The following ZBTB47 variants were observed in gnomAD, a reference collection of about 807,000 sequenced individuals.
The protein encoded by ZBTB47 is zinc finger and BTB domain-containing protein 47.
In ZBTB47, 24 loss-of-function variants were observed where a neutral mutation model predicts 56.6. That is an observed-to-expected ratio of 0.42 (90% CI 0.31 to 0.60). The LOEUF is 0.60. Ranked by LOEUF, ZBTB47 falls within the 20% of genes least tolerant of loss-of-function variation. The probability of loss-of-function intolerance (pLI) is 0.14; values close to 1 mark genes in which losing one functional copy is unlikely to be tolerated. For missense variants in ZBTB47, 829 were observed against 1,032.6 expected, an observed-to-expected ratio of 0.80 and a Z score of 2.70; for synonymous variants, 414 against 418.9, an observed-to-expected ratio of 0.99 and a Z score of 0.14.
At position 42,661,499 on chromosome 3, in the gene ZBTB47, C is replaced by T. The variant is rs1710720814; in HGVS notation, c.1488C>T (p.Gly496=). Residue 496 remains glycine, a synonymous_variant, in exon 3 of 6, where the codon GGC becomes GGT. Transcript: ENST00000232974. The part of the protein sequence containing the change: ...CERNIQCVTC[G]KAFKKLWSLH... ...TTATTCTGCAGTGTGTGACATGTGG[C>T]AAAGCTTTCAAGAAGCTTTGGTCCC... is the stretch of plus-strand genomic sequence containing the variant. 6.2e-7 allele frequency: 1 copy of T among 1,613,886 alleles called. No homozygotes were observed. Among genetic ancestry groups the T allele is most frequent in the Non-Finnish European group, 8.5e-7 (1 of 1,179,846 alleles).
intron 2 of ZBTB47, 22 bp downstream of exon 2, chr3:42,659,850 G>A: frequency 6.3e-7 from 1 of 1,577,690 alleles, no homozygotes; most frequent in Non-Finnish European, 8.6e-7. Flanking sequence ...GTGGCTGGGG[G>A]CAGGGCAGAG....
chr3:42,667,147 G>C lies in ZBTB47; in HGVS notation c.*2549G>C, dbSNP rs9816776. Among the ~76,000 whole-genome samples the C allele has an allele frequency of 2.0e-5, 3 of 152,246 alleles. No individual in the cohort carries two copies. The highest frequency in any genetic ancestry group is 7.2e-5 in the African/African-American group (3 of 41,464). Reference sequence around the variant, plus strand: ...CAGATGTCAGAATGAGGCGACTAGGGCACCATACTCACTTTCCAGGGCTGG... The same window carrying C: ...CAGATGTCAGAATGAGGCGACTAGGCCACCATACTCACTTTCCAGGGCTGG... On this transcript the variant is annotated 3_prime_UTR_variant, in exon 6 of 6. Coordinates refer to ENST00000232974, the MANE Select transcript of ZBTB47 (RefSeq NM_145166.4).
At chr3:42,662,972 A>C (rs897688586) in intron 3 of ZBTB47, 40 bp from the exon 4 acceptor site, 1 of 1,491,864 alleles carries the variant, frequency 6.7e-7, no homozygotes, top group East Asian at 2.3e-5. Flanking sequence ...GTGCTTGGGC[A>C]GGCCCGTAAA....
Position 42,664,656 on chromosome 3 carries a change from G to T in ZBTB47, c.*58G>T. The T allele has an allele frequency of 2.2e-6, 3 of 1,365,304 alleles. No homozygotes were observed. Among genetic ancestry groups the T allele is most frequent in the Non-Finnish European group, 2.8e-6 (3 of 1,066,474 alleles). 84.6% of individuals were successfully genotyped at this position (1,365,304 alleles called of 1,614,324 possible). On this transcript the variant is annotated 3_prime_UTR_variant, in exon 6 of 6. Transcript: ENST00000232974. The stretch of plus-strand genomic sequence containing the variant: ...CTGGAGTCAGGGCCCACTCCAGGAG[G>T]GACCCACTGCCTTCCCGGGGAGCAC...
rs954638253 is a variant in ZBTB47, at chr3:42,659,149, T to C, written c.794T>C (p.Val265Ala). 28 of 1,511,932 alleles carry C rather than the reference T, an allele frequency of 1.9e-5. No individual in the cohort carries two copies. Among genetic ancestry groups the C allele is most frequent in the Admixed American group, 4.0e-5 (2 of 49,394 alleles). 93.7% of individuals were successfully genotyped at this position (1,511,932 alleles called of 1,614,324 possible). The change falls in exon 2 of 6, where the codon GTT (valine) becomes GCT (alanine). Residue 265 changes from valine to alanine, a missense_variant. By Grantham distance (64) the Val-to-Ala change is moderately conservative. Around this residue, in one of 6 missense-constraint regions of ZBTB47, gnomAD observed 359 missense variants for 359.8 expected, o/e 1.00. Transcript: ENST00000232974. ...GCCGGGCCAAGCCCAGCCACCGTGG[T>C]TCTGGGCCGGGAGGACGGGCTGCAG... ...PGAGPSPATV[V>A]LGREDGLQRH...
rs934167177 is a variant in ZBTB47 at position 42,656,947 on chromosome 3, ATAT to A, written c.-81-1326_-81-1324del. On this transcript the variant is annotated intron_variant, in intron 1 of 5. Transcript: ENST00000232974. The surrounding 1 kb of genome is among the most constrained non-coding windows in gnomAD (Gnocchi z 5.8). ...AGCTGATGGTTTTGTGGCCATCAAA[ATAT>A]TGTGGCAAGGTACCTCCCGAATGCA... 4.6e-5 allele frequency among the ~76,000 whole-genome samples: 7 copies of A among 152,154 alleles called. No individual in the cohort carries two copies. Among genetic ancestry groups the A allele is most frequent in the Admixed American group, 2.6e-4 (4 of 15,282 alleles).
intron 2 of ZBTB47, 21 bp from the exon 3 acceptor site, chr3:42,661,464 T>G: frequency 6.2e-7 from 1 of 1,611,778 alleles, no homozygotes; most frequent in South Asian, 1.1e-5. Context: ...ACCCAGGGCC[T>G]CAAGTCCTCT....
intron 5 of ZBTB47, 117 bp downstream of exon 5, chr3:42,664,058 A>G: frequency 1.4e-6 from 2 of 1,473,594 alleles, no homozygotes. Flanking sequence ...GCCTCCGTTT[A>G]CCCATGCTTC....
At position 42,659,192 on chromosome 3, in the gene ZBTB47, GGAGGAGGACGAC is replaced by G; in HGVS notation, c.846_857del (p.Asp282_Glu285del). 1 of 1,525,072 alleles carries G rather than the reference GGAGGAGGACGAC, an allele frequency of 6.6e-7. No individual in the cohort carries two copies. The highest frequency in any genetic ancestry group is 8.8e-7 in the Non-Finnish European group (1 of 1,140,590). The allele number at this position is 1,525,072 out of a possible 1,614,324, so 94.5% of individuals were successfully genotyped here. A position where few individuals can be genotyped will look rare whatever the true frequency, so the allele number is the denominator to read the frequency against. Reference sequence around the variant, plus strand: ...GGCTGCAGAGACACTCGGACGAGGAGGAGGAGGACGACGAGGAGGAGGAGGAGGAAGAAGAGG... The same window carrying G: ...GGCTGCAGAGACACTCGGACGAGGAGGAGGAGGAGGAGGAGGAAGAAGAGG... On this transcript the variant is annotated inframe_deletion, in exon 2 of 6. Transcript: ENST00000232974.
In ZBTB47 at chr3:42,653,886, A is replaced by G. The variant is rs989815123; in HGVS notation, c.-82+3A>G. 2 of 152,350 alleles carry G rather than the reference A, an allele frequency of 1.3e-5. No homozygotes were observed. The highest frequency in any genetic ancestry group is 4.8e-5 in the African/African-American group (2 of 41,456). The allele number at this position is 152,350 out of a possible 1,614,324, so 9.4% of individuals were successfully genotyped here. ...CCTATGCAGCATGAGGCCGCCAGGT[A>G]GGTATGGGTCCACTGGAGCCAAGTC... is the stretch of plus-strand genomic sequence containing the variant. On this transcript the variant is annotated splice_donor_region_variant and intron_variant, in intron 1 of 5. Coordinates refer to ENST00000232974, the MANE Select transcript of ZBTB47 (RefSeq NM_145166.4).
rs1259737946 is a variant in ZBTB47, at chr3:42,667,518, G to A, written c.*2920G>A. Among the ~76,000 whole-genome samples, 1 of 152,240 alleles carries A rather than the reference G, an allele frequency of 6.6e-6. No individual in the cohort carries two copies. The highest frequency in any genetic ancestry group is 2.4e-5 in the African/African-American group (1 of 41,472). ...TGTACAGGCACCCCACAGCCCCAGAGCATGGGGCACAGCAGGCATGCGAGT... is the reference window on the plus strand; with the variant it reads ...TGTACAGGCACCCCACAGCCCCAGAACATGGGGCACAGCAGGCATGCGAGT... On this transcript the variant is annotated 3_prime_UTR_variant, in exon 6 of 6. Transcript: ENST00000232974.
In ZBTB47 at chr3:42,658,433, C is replaced by G. The variant is rs1436122951; in HGVS notation, c.78C>G (p.Ser26Arg). The change falls in exon 2 of 6, where the codon AGC (serine) becomes AGG (arginine). Residue 26 changes from serine to arginine, a missense_variant. Ser to Arg is a moderately radical substitution (Grantham distance 110). Coordinates refer to ENST00000232974, the MANE Select transcript of ZBTB47 (RefSeq NM_145166.4). ...ACTTGGTGCTGGTGCCCCAGCGCAG[C>G]GTCTTTCCGGCACACAAGGGTGTGC... The part of the protein sequence containing the change: ...DVDLVLVPQR[S>R]VFPAHKGVLA... The G allele has an allele frequency of 6.5e-7, 1 of 1,536,916 alleles. No homozygotes were observed. Among genetic ancestry groups the G allele is most frequent in the African/African-American group, 1.4e-5 (1 of 73,046 alleles).
Position 42,663,248 on chromosome 3 carries a change from A to G in ZBTB47, c.1737+121A>G. Reference sequence around the variant, plus strand: ...TGGAATGTAGTGTCCAGAAAGAGAGAGCCCTGCCCTCTGAGGTCTGCAGCC... The same window carrying G: ...TGGAATGTAGTGTCCAGAAAGAGAGGGCCCTGCCCTCTGAGGTCTGCAGCC... On this transcript the variant is annotated intron_variant, in intron 4 of 5. Transcript: ENST00000232974. The surrounding 1 kb of genome is among the most constrained non-coding windows in gnomAD (Gnocchi z 5.1). 1 of 729,378 alleles carries G rather than the reference A, an allele frequency of 1.4e-6. No individual in the cohort carries two copies. Among genetic ancestry groups the G allele is most frequent in the Non-Finnish European group, 2.4e-6 (1 of 424,658 alleles). 45.2% of individuals were successfully genotyped at this position (729,378 alleles called of 1,614,324 possible).
Position 42,664,476 on chromosome 3 carries a change from CACGCACTGCCCCTG to C in ZBTB47, c.2123_2136del (p.His708ProfsTer115). The C allele has an allele frequency of 1.3e-6, 2 of 1,511,852 alleles. No homozygotes were observed. Among genetic ancestry groups the C allele is most frequent in the Non-Finnish European group, 1.8e-6 (2 of 1,133,864 alleles). The allele number at this position is 1,511,852 out of a possible 1,614,324, so 93.7% of individuals were successfully genotyped here. A position where few individuals can be genotyped will look rare whatever the true frequency, so the allele number is the denominator to read the frequency against. On this transcript the variant is annotated frameshift_variant, in exon 6 of 6. Coordinates refer to ENST00000232974, the MANE Select transcript of ZBTB47 (RefSeq NM_145166.4). LOFTEE classifies it low-confidence loss of function (END_TRUNC). ...CCTGCCCCCAACCCAGCCCCAGGCG[CACGCACTGCCCCTG>C]CTCCCGGGGCTGCCCCAGACCCTGC... is the stretch of plus-strand genomic sequence containing the variant.
rs937030538 is a variant in ZBTB47 at position 42,666,063 on chromosome 3, T to C, written c.*1465T>C. On this transcript the variant is annotated 3_prime_UTR_variant, in exon 6 of 6. Transcript: ENST00000232974. ...GCCCCGGGGGAATGGTTAGGGGGAC[T>C]GAACCCCTCTGACCTTATGAGGCCC... Among the ~76,000 whole-genome samples, 28 of 152,344 alleles carry C rather than the reference T, an allele frequency of 1.8e-4. No homozygotes were observed. Among genetic ancestry groups the C allele is most frequent in the African/African-American group, 5.8e-4 (24 of 41,586 alleles).
intron 3 of ZBTB47, 106 bp downstream of exon 3, chr3:42,661,738 G>T (rs1037996548): frequency 1.3e-5 from 19 of 1,448,292 alleles, no homozygotes; most frequent in Non-Finnish European, 1.6e-5. Flanking sequence ...AAGGGGTGAG[G>T]AGGCCCCTCT....
At chr3:42,662,347 C>T (rs541351246) in intron 3 of ZBTB47, among the ~76,000 whole-genome samples, 23 of 152,220 alleles carry the variant, frequency 1.5e-4, no homozygotes, top group Non-Finnish European at 3.2e-4. Flanking sequence ...CATGAACTGA[C>T]TGGAAGCTGG....
chr3:42,666,332 C>A lies in ZBTB47; in HGVS notation c.*1734C>A, dbSNP rs2125840063. On this transcript the variant is annotated 3_prime_UTR_variant, in exon 6 of 6. Transcript: ENST00000232974. ...CTGTCCTGGGGGAGAGAAGGTTCGC[C>A]CCTCCCCGAGGAAGAAGGCTTCTGG... Among the ~76,000 whole-genome samples, 2 of 152,234 alleles carry A rather than the reference C, an allele frequency of 1.3e-5. No individual in the cohort carries two copies. The highest frequency in any genetic ancestry group is 4.8e-5 in the African/African-American group (2 of 41,532).
At position 42,658,410 on chromosome 3, in the gene ZBTB47, T is replaced by C; in HGVS notation, c.55T>C (p.Leu19=). The change falls in exon 2 of 6, where the codon TTG becomes CTG. Residue 19 remains leucine, a synonymous_variant. Transcript: ENST00000232974. ...CCAGCCTGACCTCTGCGACGTGGACTTGGTGCTGGTGCCCCAGCGCAGCGT... is the reference window on the plus strand; with the variant it reads ...CCAGCCTGACCTCTGCGACGTGGACCTGGTGCTGGTGCCCCAGCGCAGCGT... ...LFQPDLCDVD[L]VLVPQRSVFP... is the part of the protein sequence containing the mutation. 6.5e-7 allele frequency: 1 copy of C among 1,536,984 alleles called. No individual in the cohort carries two copies. The highest frequency in any genetic ancestry group is 8.7e-7 in the Non-Finnish European group (1 of 1,146,908).
Sources: gnomAD v4.1 joint callset for allele counts (sites outside exome capture counted in the v4.1 genomes callset) on GRCh38, gnomAD v4.1.1 for gene constraint, gnomAD v4.1.1 regional missense constraint, Gnocchi (gnomAD v3.1) non-coding constraint, MANE v1.5 for transcripts, NCBI Gene and HGNC (gene_info 2026-07-23, HGNC 2026-07-21) for gene names.